GLI3: variants seen among roughly 807,000 people sequenced by gnomAD.
GLI3 encodes the protein transcription activator GLI3.
In GLI3, 20 loss-of-function variants were observed where a neutral mutation model predicts 100.8. The observed-to-expected ratio is 0.20, with a 90% CI of 0.14 to 0.29. GLI3 has a LOEUF of 0.29. GLI3 is among the 10% of genes least tolerant of loss of function. The pLI, the probability that GLI3 is intolerant of heterozygous loss-of-function variation, is 1.00. For missense variants in GLI3, 2,040 were observed against 2,128.5 expected (o/e 0.96, Z 0.82); for synonymous variants, 938 against 860.5 (o/e 1.09, Z -1.58).
At chr7:42,069,637 G>A (rs1784746694) in intron 4 of GLI3, among the ~76,000 whole-genome samples, 2 of 152,188 alleles carry the variant, frequency 1.3e-5, no homozygotes, top group Admixed American at 6.5e-5. Flanking sequence ...TCATAAAAAA[G>A]AGAAAAATAA....
chr7:42,109,119 T>C (rs1207776683), intron 3 of GLI3, among the ~76,000 whole-genome samples: 1 of 152,224 alleles, frequency 6.6e-6, no homozygotes, highest in Non-Finnish European at 1.5e-5. Context: ...TGCTTTTCTA[T>C]GCGATAGCTC....
At chr7:42,037,507 T>G (rs1327681052) in intron 7 of GLI3, among the ~76,000 whole-genome samples, 3 of 152,232 alleles carry the variant, frequency 2.0e-5, no homozygotes, top group Non-Finnish European at 4.4e-5. Flanking sequence ...CATCATTATA[T>G]GGGAAGCTGA....
chr7:42,073,957 A>G (rs1158167905), intron 4 of GLI3, among the ~76,000 whole-genome samples: 1 of 152,192 alleles, frequency 6.6e-6, no homozygotes, highest in Non-Finnish European at 1.5e-5. Context: ...ACGTGCTTTT[A>G]AGATTTCTAT....
intron 10 of GLI3, among the ~76,000 whole-genome samples, chr7:41,992,489 A>G (rs1788015256): frequency 6.6e-6 from 1 of 152,174 alleles, no homozygotes; most frequent in Non-Finnish European, 1.5e-5. Flanking sequence ...CAGCTGATGC[A>G]GGAATGTGGG....
At chr7:42,238,415 C>T (rs1788878726), upstream of GLI3, among the ~76,000 whole-genome samples, 1 of 152,238 alleles carries the variant, frequency 6.6e-6, no homozygotes, top group Non-Finnish European at 1.5e-5. Flanking sequence ...CCCGAAACTC[C>T]CTCTCGCGGG....
chr7:42,116,734 T>G (rs1302751449), intron 3 of GLI3, among the ~76,000 whole-genome samples: 2 of 152,024 alleles, frequency 1.3e-5, no homozygotes, highest in Non-Finnish European at 2.9e-5. Context: ...TTCAGGAATA[T>G]TAACACAAAA....
chr7:42,094,231 C>T (rs562234323), intron 3 of GLI3, among the ~76,000 whole-genome samples: 1 of 152,306 alleles, frequency 6.6e-6, no homozygotes, highest in Non-Finnish European at 1.5e-5. Flanking sequence ...ATTAGAACCA[C>T]GAATTCTGTT....
chr7:42,130,444 G>C (rs1278554535), intron 3 of GLI3, among the ~76,000 whole-genome samples: 1 of 152,130 alleles, frequency 6.6e-6, no homozygotes, highest in Admixed American at 6.5e-5. Context: ...ACATACAAAA[G>C]GCAAGAGCAA....
intron 1 of GLI3, among the ~76,000 whole-genome samples, chr7:42,253,656 T>G (rs190411820): frequency 1.3e-5 from 2 of 152,322 alleles, no homozygotes; most frequent in East Asian, 3.9e-4. Context: ...GTCTTTTGGG[T>G]AAGTTAATTA....
intron 4 of GLI3, among the ~76,000 whole-genome samples, chr7:42,056,374 T>C (rs1258400551): frequency 6.6e-6 from 1 of 152,134 alleles, no homozygotes. Flanking sequence ...TGTGACCTAA[T>C]GAGTGGTGGC....
chr7:41,980,056 A>G (rs1164756933), intron 10 of GLI3, among the ~76,000 whole-genome samples: 2 of 152,226 alleles, frequency 1.3e-5, no homozygotes, highest in Non-Finnish European at 2.9e-5. Context: ...GAGGACAGAG[A>G]AAAGAAATTG....
At chr7:42,044,276 C>T (rs977783747) in intron 6 of GLI3, among the ~76,000 whole-genome samples, 2 of 152,220 alleles carry the variant, frequency 1.3e-5, no homozygotes, top group African/African-American at 2.4e-5. Context: ...AAAGGCCCTA[C>T]TCAAAGTCAT....
At chr7:42,083,845 G>A (rs972965601) in intron 3 of GLI3, among the ~76,000 whole-genome samples, 10 of 152,024 alleles carry the variant, frequency 6.6e-5, no homozygotes, top group East Asian at 1.9e-4. Context: ...AGCAAAACCC[G>A]TAACAAGTAG....
In GLI3 at chr7:42,055,399, G is replaced by A. The variant is rs185211294; in HGVS notation, c.474-6703C>T. Among the ~76,000 whole-genome samples, 76 of 152,050 alleles carry A rather than the reference G, an allele frequency of 5.0e-4. 1 individual carries two copies. The highest frequency in any genetic ancestry group is 3.4e-3 in the Middle Eastern group (1 of 294). Reference sequence around the variant, plus strand: ...TCGTCTTTAAGGTCTGAATCAGCTGGCTCGCCTTCCCTCCGGTTTCCACTT... The same window carrying A: ...TCGTCTTTAAGGTCTGAATCAGCTGACTCGCCTTCCCTCCGGTTTCCACTT... On this transcript the variant is annotated intron_variant, in intron 4 of 14. Coordinates refer to ENST00000395925, the MANE Select transcript of GLI3 (RefSeq NM_000168.6).
rs1583632263 is a variant in GLI3 at position 42,187,553 on chromosome 7, C to G, written c.124+35577G>C. On this transcript the variant is annotated intron_variant, in intron 2 of 14. Transcript: ENST00000395925. Reference sequence around the variant, plus strand: ...CAAAAGAAAATAAAAATCAGGCAATCATGCTAGATTGAATAGTGTCCTCCC... The same window carrying G: ...CAAAAGAAAATAAAAATCAGGCAATGATGCTAGATTGAATAGTGTCCTCCC... Among the ~76,000 whole-genome samples the G allele has an allele frequency of 2.0e-5, 3 of 152,224 alleles. 1 individual carries two copies. The highest frequency in any genetic ancestry group is 4.1e-4 in the South Asian group (2 of 4,820).
In GLI3 at chr7:41,961,641, A is replaced by G. The variant is rs569422034; in HGVS notation, c.*2689T>C. 6.6e-6 allele frequency: 1 copy of G among 152,260 alleles called. No individual in the cohort carries two copies. Among genetic ancestry groups the G allele is most frequent in the African/African-American group, 2.4e-5 (1 of 41,560 alleles). 9.4% of individuals were successfully genotyped at this position (152,260 alleles called of 1,614,324 possible). A position where few individuals can be genotyped will look rare whatever the true frequency, so the allele number is the denominator to read the frequency against. On this transcript the variant is annotated 3_prime_UTR_variant, in exon 15 of 15. Coordinates refer to ENST00000395925, the MANE Select transcript of GLI3 (RefSeq NM_000168.6). The stretch of plus-strand genomic sequence containing the variant: ...ATGTTTTAGAAAAGGCAGGATGGTG[A>G]CACTAGTGAGGCGGTCCTCTCGCTC...
intron 3 of GLI3, among the ~76,000 whole-genome samples, chr7:42,114,167 C>T (rs1785787987): frequency 1.3e-5 from 2 of 152,188 alleles, no homozygotes; most frequent in Admixed American, 1.3e-4. Flanking sequence ...ATTTTCATTC[C>T]ACTTCCTGAA....
At chr7:42,132,502 T>A (rs953872871) in intron 3 of GLI3, among the ~76,000 whole-genome samples, 8 of 152,244 alleles carry the variant, frequency 5.3e-5, no homozygotes, top group Admixed American at 3.9e-4. Context: ...TCAAGGTTTC[T>A]TTCTTGCTGG....
At chr7:42,217,664 G>GT (rs893746924) in intron 2 of GLI3, among the ~76,000 whole-genome samples, 34 of 152,030 alleles carry the variant, frequency 2.2e-4, no homozygotes, top group African/African-American at 7.5e-4. Context: ...CAGAAACTTT[G>GT]TTTTTTTTAA....
Sources: gnomAD v4.1 joint callset for allele counts (sites outside exome capture counted in the v4.1 genomes callset) on GRCh38, gnomAD v4.1.1 for gene constraint, MANE v1.5 for transcripts, NCBI Gene and HGNC (gene_info 2026-07-23, HGNC 2026-07-21) for gene names.